The following TOPAZ1 variants were observed in gnomAD, a reference collection of about 807,000 sequenced individuals.
The protein encoded by TOPAZ1 is testis and ovary specific TOPAZ 1, also known as protein TOPAZ1.
A neutral mutation model predicts 172.2 loss-of-function variants in TOPAZ1; 66 were observed. The ratio of observed to expected loss-of-function variants is 0.38; its 90% CI spans 0.31 to 0.47. The LOEUF (loss-of-function observed/expected upper bound fraction) is 0.47, where lower values mean the gene tolerates loss of function less well. TOPAZ1 is among the 20% of genes least tolerant of loss of function. TOPAZ1 has a pLI of 0.99. For synonymous variants in TOPAZ1, 681 were observed against 683.9 expected (o/e 1.00, Z 0.07); for missense variants, 1,822 against 1,972.4 (o/e 0.92, Z 1.44).
intron 1 of TOPAZ1, 67 bp downstream of exon 1, chr3:44,242,466 C>T: frequency 2.1e-6 from 3 of 1,463,268 alleles, no homozygotes; most frequent in Non-Finnish European, 2.8e-6. Flanking sequence ...CTTTGTTTTA[C>T]CACTAGTCTT....
intron 2 of TOPAZ1, among the ~76,000 whole-genome samples, chr3:44,250,615 T>C (rs1266539378): frequency 6.6e-6 from 1 of 152,166 alleles, no homozygotes; most frequent in Admixed American, 6.5e-5. Context: ...GGCAACCTGC[T>C]CCAGAGTCTG....
At chr3:44,286,402 A>G (rs1473767183) in intron 9 of TOPAZ1, among the ~76,000 whole-genome samples, 3 of 152,224 alleles carry the variant, frequency 2.0e-5, no homozygotes, top group Admixed American at 6.5e-5. Flanking sequence ...AGGCGACTAT[A>G]TAAATACTGC....
intron 12 of TOPAZ1, among the ~76,000 whole-genome samples, chr3:44,295,206 A>C (rs116190244): frequency 6.6e-6 from 1 of 152,172 alleles, no homozygotes; most frequent in Non-Finnish European, 1.5e-5. Flanking sequence ...CAATTCTACA[A>C]ATGTACCCTG....
downstream of TOPAZ1, among the ~76,000 whole-genome samples, chr3:44,335,604 A>G (rs1575224452): frequency 1.3e-5 from 2 of 152,174 alleles, no homozygotes; most frequent in African/African-American, 4.8e-5. Flanking sequence ...AGCCTGAACA[A>G]TAGAGTGAGA....
At chr3:44,261,683 T>A (rs972625257) in intron 4 of TOPAZ1, among the ~76,000 whole-genome samples, 2 of 152,224 alleles carry the variant, frequency 1.3e-5, no homozygotes, top group Admixed American at 1.3e-4. Context: ...TTTTTCTAGT[T>A]CTGTGAACAA....
intron 17 of TOPAZ1, among the ~76,000 whole-genome samples, chr3:44,322,385 T>C (rs998332188): frequency 9.2e-5 from 14 of 152,226 alleles, no homozygotes; most frequent in Non-Finnish European, 1.6e-4. Flanking sequence ...ACTGTAGATA[T>C]AATACAAACA....
chr3:44,294,236 T>C (rs1700170104), intron 12 of TOPAZ1, among the ~76,000 whole-genome samples: 1 of 129,310 alleles, frequency 7.7e-6, no homozygotes, highest in Non-Finnish European at 1.7e-5. Context: ...CAAGACTCTG[T>C]CTCAAAAAAA....
chr3:44,325,096 C>T (rs934196712), intron 18 of TOPAZ1, among the ~76,000 whole-genome samples: 1 of 152,126 alleles, frequency 6.6e-6, no homozygotes, highest in Non-Finnish European at 1.5e-5. Flanking sequence ...TTTATAGCCA[C>T]TGATCAGTCT....
In TOPAZ1 at chr3:44,309,913, GA is replaced by G; in HGVS notation, c.4230del (p.Arg1410SerfsTer5). ...ATAGGGCCTGAGAAGTTAGCATCAA[GA>G]TGTCAAATTGTGAATGTTGCAGCAG... ...GLIGPEKLAS[R>X]CQIVNVAAEI... On this transcript the variant is annotated frameshift_variant, in exon 16 of 20. Coordinates refer to ENST00000309765, the MANE Select transcript of TOPAZ1 (RefSeq NM_001145030.2). LOFTEE classifies it high-confidence loss of function. 1 of 1,551,590 alleles carries G rather than the reference GA, an allele frequency of 6.4e-7. No individual in the cohort carries two copies. The highest frequency in any genetic ancestry group is 8.7e-7 in the Non-Finnish European group (1 of 1,146,884).
In TOPAZ1 at chr3:44,267,076, G is replaced by A. The variant is rs1182335780; in HGVS notation, c.3100G>A (p.Val1034Ile). The change falls in exon 6 of 20, where the codon GTA (valine) becomes ATA (isoleucine). Residue 1034 changes from valine (V) to isoleucine (I), a missense_variant. This residue lies in a region of TOPAZ1 where 1,489 missense variants were observed against 1,490.8 expected (regional missense o/e 1.00). Transcript: ENST00000309765. ...AGTCCCGAAACCTCTGTGTTTATTA[G>A]TACCTCCTTTGAATCTAAGTGGTCG... ...VPVPKPLCLLVPPLNLSGRQE... is the reference protein window; with the variant it reads ...VPVPKPLCLLIPPLNLSGRQE... 1 of 1,548,916 alleles carries A rather than the reference G, an allele frequency of 6.5e-7. No individual in the cohort carries two copies. The highest frequency in any genetic ancestry group is 8.7e-7 in the Non-Finnish European group (1 of 1,145,794).
chr3:44,308,951 A>C (rs1407945313), intron 15 of TOPAZ1, among the ~76,000 whole-genome samples: 4 of 152,244 alleles, frequency 2.6e-5, no homozygotes, highest in Non-Finnish European at 5.9e-5. Flanking sequence ...GGGTCTGTAC[A>C]CTAAGGCCCA....
chr3:44,315,706 C>A (rs879628715), intron 16 of TOPAZ1, among the ~76,000 whole-genome samples: 13 of 152,004 alleles, frequency 8.6e-5, no homozygotes, highest in Non-Finnish European at 1.5e-4. Flanking sequence ...ATCTTCCCAG[C>A]ACAAAGCTGT....
chr3:44,305,608 G>A (rs891180846), intron 14 of TOPAZ1, among the ~76,000 whole-genome samples: 2 of 151,776 alleles, frequency 1.3e-5, no homozygotes, highest in Non-Finnish European at 2.9e-5. Flanking sequence ...GTGCTCAAGG[G>A]ATCCTCCCAC....
Position 44,243,633 on chromosome 3 carries a change from G to A in TOPAZ1, c.1127G>A (p.Ser376Asn). The A allele has an allele frequency of 6.5e-7, 1 of 1,549,982 alleles. No homozygotes were observed. The change falls in exon 2 of 20, where the codon AGT becomes AAT. Residue 376 changes from serine to asparagine, a missense_variant. Transcript: ENST00000309765. ...IADGKEAETK[S>N]PLNVLRKVSH... ...GATGGTAAAGAAGCAGAGACTAAAA[G>A]TCCTTTAAATGTTTTGAGAAAAGTA... is the stretch of plus-strand genomic sequence containing the variant.
chr3:44,327,809 A>G (rs1484825888), intron 18 of TOPAZ1, among the ~76,000 whole-genome samples: 1 of 152,030 alleles, frequency 6.6e-6, no homozygotes, highest in Non-Finnish European at 1.5e-5. Flanking sequence ...CAGTGGCACA[A>G]TCTCGGCTCA....
chr3:44,269,910 C>T (rs959856064), intron 7 of TOPAZ1, among the ~76,000 whole-genome samples: 29 of 152,142 alleles, frequency 1.9e-4, no homozygotes, highest in Non-Finnish European at 8.8e-5. Flanking sequence ...GGGCGTGAGC[C>T]ACTGTGCCCA....
At chr3:44,321,339 C>A in intron 17 of TOPAZ1, 148 bp downstream of exon 17, 4 of 591,504 alleles carry the variant, frequency 6.8e-6, no homozygotes, top group South Asian at 5.5e-5. Context: ...ATGTTCTCTG[C>A]AAATTGAATA....
rs547228773 is a variant in TOPAZ1, at chr3:44,281,820, G to A, written c.3373-148G>A. ...TGAATTCAATATGTACTTCAAATCT[G>A]TGAGTTAACCAAACATCAGCTTCTT... On this transcript the variant is annotated intron_variant, in intron 8 of 19. Coordinates refer to ENST00000309765, the MANE Select transcript of TOPAZ1 (RefSeq NM_001145030.2). 66 of 556,644 alleles carry A rather than the reference G, an allele frequency of 1.2e-4. No individual in the cohort carries two copies. The South Asian group carries it at 1.7e-3, about 14-fold the overall frequency. 34.5% of individuals were successfully genotyped at this position (556,644 alleles called of 1,614,324 possible). A position where few individuals can be genotyped will look rare whatever the true frequency, so the allele number is the denominator to read the frequency against.
At chr3:44,305,831 G>C (rs1700330898) in intron 14 of TOPAZ1, among the ~76,000 whole-genome samples, 1 of 152,058 alleles carries the variant, frequency 6.6e-6, no homozygotes, top group South Asian at 2.1e-4. Context: ...TTAGATTATG[G>C]TAAAAGGTCA....
Sources: allele counts gnomAD v4.1 joint callset (sites outside exome capture counted in the v4.1 genomes callset), GRCh38; gene constraint gnomAD v4.1.1; regional missense constraint gnomAD v4.1.1; transcripts MANE v1.5; gene names NCBI Gene and HGNC (gene_info 2026-07-23, HGNC 2026-07-21).